Variants in ERC1 observed in about 807,000 individuals in gnomAD.
ERC1 encodes ELKS/RAB6-interacting/CAST family member 1, also known as RAB6 interacting protein 2.
Under a neutral mutation model 132.0 loss-of-function variants are expected in ERC1, and 56 were observed. The observed-to-expected ratio is 0.42, with a 90% CI of 0.34 to 0.53. The LOEUF is 0.53. ERC1 is among the 20% of genes least tolerant of loss of function. ERC1 has a pLI of 0.03. For synonymous variants in ERC1, 478 were observed against 476.1 expected (o/e 1.00, Z -0.05); for missense variants, 1,202 against 1,349.9 (o/e 0.89, Z 1.72).
At chr12:1,048,125 T>G (rs1260533221) in intron 2 of ERC1, among the ~76,000 whole-genome samples, 1 of 152,206 alleles carries the variant, frequency 6.6e-6, no homozygotes. Context: ...TCTCAAAGTG[T>G]TGACTCGTTT....
At chr12:1,349,927 G>T (rs2084851542) in intron 15 of ERC1, among the ~76,000 whole-genome samples, 1 of 152,140 alleles carries the variant, frequency 6.6e-6, no homozygotes, top group Admixed American at 6.5e-5. Context: ...CTGCAGCCTA[G>T]GTCTCTAAGC....
intron 15 of ERC1, among the ~76,000 whole-genome samples, chr12:1,292,479 C>G (rs182071866): frequency 6.6e-6 from 1 of 152,238 alleles, no homozygotes; most frequent in East Asian, 1.9e-4. Flanking sequence ...CCTGAACTGA[C>G]TAGACAGACA....
intron 1 of ERC1, among the ~76,000 whole-genome samples, chr12:1,004,513 TCTC>T (rs1432724325): frequency 6.7e-6 from 1 of 149,070 alleles, no homozygotes; most frequent in Non-Finnish European, 1.5e-5. Flanking sequence ...TTCAGACAAT[TCTC>T]CTGCCTCAGC....
intron 12 of ERC1, among the ~76,000 whole-genome samples, chr12:1,214,047 C>G (rs1483879449): frequency 6.6e-6 from 1 of 152,142 alleles, no homozygotes; most frequent in Non-Finnish European, 1.5e-5. Context: ...TTCCTAAGAA[C>G]AGAGGAATAC....
At chr12:1,366,921 A>G (rs2086714552) in intron 15 of ERC1, among the ~76,000 whole-genome samples, 1 of 152,216 alleles carries the variant, frequency 6.6e-6, no homozygotes, top group Non-Finnish European at 1.5e-5. Flanking sequence ...CCTGCAGAGG[A>G]CATAAGATAT....
intron 13 of ERC1, among the ~76,000 whole-genome samples, chr12:1,241,317 T>G (rs2075776001): frequency 6.6e-6 from 1 of 152,226 alleles, no homozygotes; most frequent in South Asian, 2.1e-4. Context: ...CCGTGTCAAA[T>G]TTTAATTACA....
At chr12:1,039,986 T>A (rs1189469505) in intron 2 of ERC1, among the ~76,000 whole-genome samples, 3 of 152,250 alleles carry the variant, frequency 2.0e-5, no homozygotes, top group African/African-American at 7.2e-5. Context: ...CTTGAGTGAT[T>A]CTCTCAATTC....
chr12:1,413,893 C>A (rs2091975360), intron 17 of ERC1, among the ~76,000 whole-genome samples: 1 of 152,204 alleles, frequency 6.6e-6, no homozygotes. Context: ...ACCTTTCTGG[C>A]ACCAGGAACC....
chr12:1,172,487 A>G (rs1034465344), intron 8 of ERC1, among the ~76,000 whole-genome samples: 11 of 152,142 alleles, frequency 7.2e-5, no homozygotes, highest in Admixed American at 6.5e-5. Context: ...ACAAACAAAT[A>G]TGTATTTCTT....
chr12:1,102,882 A>AT (rs1284665412), intron 3 of ERC1, among the ~76,000 whole-genome samples: 3 of 152,190 alleles, frequency 2.0e-5, no homozygotes, highest in African/African-American at 7.2e-5. Flanking sequence ...TTGAACATTC[A>AT]TTTTGTTATG....
At chr12:1,405,915 C>G (rs1460132907) in intron 16 of ERC1, among the ~76,000 whole-genome samples, 1 of 152,122 alleles carries the variant, frequency 6.6e-6, no homozygotes, top group Non-Finnish European at 1.5e-5. Context: ...CATAAACTTT[C>G]TAAAACCAAC....
intron 18 of ERC1, among the ~76,000 whole-genome samples, chr12:1,485,201 C>CTTTTCT (rs2094187033): frequency 1.2e-4 from 12 of 96,378 alleles, no homozygotes; most frequent in African/African-American, 5.2e-4. Context: ...GTTTATATTT[C>CTTTTCT]TTTTTTTTTT....
rs542072056 is a variant in ERC1, at chr12:1,149,517, C to T, written c.1737+7730C>T. On this transcript the variant is annotated intron_variant, in intron 8 of 18. Transcript: ENST00000360905. ...GAGCTCAAGCAGTCCTCCTACCTCA[C>T]TTCTTGAGTAGCTGGGACTACAGAC... 2.0e-5 allele frequency among the ~76,000 whole-genome samples: 3 copies of T among 152,244 alleles called. No homozygotes were observed. In the East Asian group the frequency reaches 5.8e-4, roughly 29 times the overall value.
At chr12:1,153,722 G>A (rs1359386270) in intron 8 of ERC1, among the ~76,000 whole-genome samples, 4 of 152,200 alleles carry the variant, frequency 2.6e-5, no homozygotes. Context: ...GCAGGTGTTC[G>A]AAGCCCCTCC....
rs959834955 is a variant in ERC1 at position 1,138,352 on chromosome 12, AATAT to A, written c.1570-3265_1570-3262del. Among the ~76,000 whole-genome samples the A allele has an allele frequency of 2.1e-5, 3 of 142,884 alleles. No homozygotes were observed. In the South Asian group the frequency reaches 6.4e-4, roughly 30 times the overall value. 93.7% of individuals were successfully genotyped at this position (142,884 alleles called of 152,430 possible). A position where few individuals can be genotyped will look rare whatever the true frequency, so the allele number is the denominator to read the frequency against. On this transcript the variant is annotated intron_variant, in intron 7 of 18. Coordinates refer to ENST00000360905, the MANE Select transcript of ERC1 (RefSeq NM_178040.4). ...ATATAATATATGTTATATAATATAT[AATAT>A]ATGTTATATGTAAGTTGTATATAAT...
chr12:1,385,585 CCTAT>C (rs1246744881), intron 16 of ERC1, among the ~76,000 whole-genome samples: 6 of 152,122 alleles, frequency 3.9e-5, no homozygotes, highest in South Asian at 2.1e-4. Flanking sequence ...GCGCCCGGCC[CCTAT>C]CTATCTTATT....
intron 2 of ERC1, among the ~76,000 whole-genome samples, chr12:1,058,626 G>A (rs1038635901): frequency 1.3e-5 from 2 of 152,104 alleles, no homozygotes; most frequent in African/African-American, 4.8e-5. Context: ...GTCACATAGT[G>A]TGATGTCTTC....
At chr12:1,366,367 G>A (rs781422928) in intron 15 of ERC1, among the ~76,000 whole-genome samples, 2 of 152,134 alleles carry the variant, frequency 1.3e-5, no homozygotes, top group Non-Finnish European at 2.9e-5. Flanking sequence ...CATTTACAGA[G>A]CAAATGCCTG....
Position 1,204,808 on chromosome 12 carries a change from T to G in ERC1, c.2351+14756T>G, listed in dbSNP as rs756047944. 1.4e-4 allele frequency among the ~76,000 whole-genome samples: 21 copies of G among 152,170 alleles called. No homozygotes were observed. Among genetic ancestry groups the G allele is most frequent in the Non-Finnish European group, 2.8e-4 (19 of 68,010 alleles). On this transcript the variant is annotated intron_variant, in intron 12 of 18. Transcript: ENST00000360905. ...AAAGAGGAGGGGAAAAAGAATTGTG[T>G]TAATGTAATTGAACATTCAGTGGAG... is the stretch of plus-strand genomic sequence containing the variant.
Sources: allele counts gnomAD v4.1 joint callset (sites outside exome capture counted in the v4.1 genomes callset), GRCh38; gene constraint gnomAD v4.1.1; transcripts MANE v1.5; gene names NCBI Gene and HGNC (gene_info 2026-07-23, HGNC 2026-07-21).